The following MMP16 variants were observed in gnomAD, a reference collection of about 807,000 sequenced individuals.
MMP16 encodes matrix metalloproteinase-16.
Under a neutral mutation model 67.8 loss-of-function variants are expected in MMP16, and 12 were observed. The ratio of observed to expected loss-of-function variants is 0.18; its 90% CI spans 0.11 to 0.29. MMP16 has a LOEUF of 0.29. MMP16 is among the 10% of genes least tolerant of loss of function. MMP16 has a pLI of 1.00. For missense variants in MMP16, 475 were observed against 765.7 expected, an observed-to-expected ratio of 0.62 and a Z score of 4.48; for synonymous variants, 249 against 255.9, an observed-to-expected ratio of 0.97 and a Z score of 0.26.
chr8:88,043,817 A>G (rs762427906), intron 9 of MMP16, among the ~76,000 whole-genome samples: 2 of 152,228 alleles, frequency 1.3e-5, no homozygotes, highest in Admixed American at 6.5e-5. Flanking sequence ...GAAATTCAAT[A>G]TAATTACTCA....
intron 1 of MMP16, among the ~76,000 whole-genome samples, chr8:88,247,497 C>T (rs962225251): frequency 6.6e-6 from 1 of 152,076 alleles, no homozygotes; most frequent in Non-Finnish European, 1.5e-5. Context: ...TGTTCCTGTG[C>T]ATTCTCTATC....
Position 88,074,739 on chromosome 8 carries a change from T to C in MMP16, c.1088A>G (p.Gln363Arg). 6.2e-7 allele frequency: 1 copy of C among 1,612,320 alleles called. No individual in the cohort carries two copies. The part of the protein sequence containing the change: ...LRREMFVFKD[Q>R]WFWRVRNNRV... ...GTTGTTTCTCACTCGCCAAAACCAC[T>C]GGTCCTGCAAACCAAGCAAAGGCAT... Residue 363 changes from glutamine to arginine, a missense_variant, in exon 7 of 10, where the codon CAG becomes CGG. Gln to Arg is a conservative substitution (Grantham distance 43, BLOSUM62 1). Around this residue, in one of 5 missense-constraint regions of MMP16, gnomAD observed 195 missense variants for 300.9 expected, o/e 0.65. Transcript: ENST00000286614.
At chr8:88,289,689 A>AACACACAC (rs4043664) in intron 1 of MMP16, among the ~76,000 whole-genome samples, 60 of 144,260 alleles carry the variant, frequency 4.2e-4, no homozygotes, top group African/African-American at 1.4e-3. Flanking sequence ...TCCTAGAGGA[A>AACACACAC]ACACACACAC....
intron 6 of MMP16, among the ~76,000 whole-genome samples, chr8:88,106,595 C>A (rs969458306): frequency 1.3e-5 from 2 of 151,158 alleles, no homozygotes; most frequent in African/African-American, 4.8e-5. Flanking sequence ...AACAGAATGA[C>A]AGTGCTAGTT....
chr8:88,126,612 G>A (rs573666319), intron 4 of MMP16, among the ~76,000 whole-genome samples: 2 of 151,764 alleles, frequency 1.3e-5, no homozygotes, highest in Non-Finnish European at 2.9e-5. Flanking sequence ...TGAACAATGC[G>A]TTAACTAACA....
chr8:88,310,864 G>T (rs1811284397), intron 1 of MMP16, among the ~76,000 whole-genome samples: 1 of 152,034 alleles, frequency 6.6e-6, no homozygotes, highest in African/African-American at 2.4e-5. Context: ...CTAGACACAG[G>T]AAGACCAAAA....
intron 1 of MMP16, among the ~76,000 whole-genome samples, chr8:88,290,884 A>T (rs891104734): frequency 6.6e-6 from 1 of 152,326 alleles, no homozygotes; most frequent in African/African-American, 2.4e-5. Flanking sequence ...CTCATATTTT[A>T]TTTATGTAAA....
At chr8:88,133,192 G>T (rs1402441361) in intron 4 of MMP16, among the ~76,000 whole-genome samples, 1 of 151,150 alleles carries the variant, frequency 6.6e-6, no homozygotes, top group Non-Finnish European at 1.5e-5. Context: ...GAATCGTATT[G>T]AATTATCTTG....
rs556182851 is a variant in MMP16, at chr8:88,093,728, T to TCA, written c.1084-18987_1084-18986dup. Among the ~76,000 whole-genome samples the TCA allele has an allele frequency of 2.2e-4, 33 of 151,862 alleles. 1 individual carries two copies. The highest frequency in any genetic ancestry group is 8.0e-4 in the African/African-American group (33 of 41,492). ...GCAGCATTTTTAATAGCACAGGAGGTCATTTTAGGCTTTACTTAGGTAGGT... is the reference window on the plus strand; with the variant it reads ...GCAGCATTTTTAATAGCACAGGAGGTCACATTTTAGGCTTTACTTAGGTAGGT... On this transcript the variant is annotated intron_variant, in intron 6 of 9. Transcript: ENST00000286614.
intron 4 of MMP16, among the ~76,000 whole-genome samples, chr8:88,151,618 G>A (rs1482878158): frequency 2.1e-5 from 3 of 141,198 alleles, no homozygotes; most frequent in African/African-American, 5.3e-5. Context: ...TGACTACTGG[G>A]TACATAACGA....
chr8:88,078,144 G>A (rs1490093158), intron 6 of MMP16, among the ~76,000 whole-genome samples: 1 of 150,136 alleles, frequency 6.7e-6, no homozygotes, highest in Admixed American at 6.7e-5. Context: ...TCTTTCTTTG[G>A]TTTGGCCCTT....
intron 1 of MMP16, among the ~76,000 whole-genome samples, chr8:88,235,366 G>A (rs544246488): frequency 1.4e-5 from 2 of 146,730 alleles, no homozygotes; most frequent in South Asian, 4.4e-4. Flanking sequence ...CACTCTACCC[G>A]GGCAACAGAG....
In MMP16 at chr8:88,041,537, G is replaced by A; in HGVS notation, c.1748C>T (p.Thr583Ile). ...LALCLLVLVY[T>I]VFQFKRKGTP... ...TCCTTTCCTCTTGAACTGGAACACA[G>A]TGTAAACCAATACAAGGAGGCATAA... The change falls in exon 10 of 10, where the codon ACT becomes ATT. Residue 583 changes from threonine (T) to isoleucine (I), a missense_variant. This residue lies in a region of MMP16 where 80 missense variants were observed against 93.4 expected (regional missense o/e 0.86). Coordinates refer to ENST00000286614, the MANE Select transcript of MMP16 (RefSeq NM_005941.5). The surrounding 1 kb of genome is among the most constrained non-coding windows in gnomAD (Gnocchi z 6.0). The A allele has an allele frequency of 1.9e-6, 3 of 1,614,136 alleles. No homozygotes were observed. The highest frequency in any genetic ancestry group is 1.7e-6 in the Non-Finnish European group (2 of 1,180,004).
chr8:88,040,847 T>C lies in MMP16; in HGVS notation c.*614A>G, dbSNP rs1051740097. On this transcript the variant is annotated 3_prime_UTR_variant, in exon 10 of 10. Coordinates refer to ENST00000286614, the MANE Select transcript of MMP16 (RefSeq NM_005941.5). ...TGTCCCAACAGTCTAACGTCCTGCATGTGTATTCCAAATCTCCCACCTGAC... is the reference window on the plus strand; with the variant it reads ...TGTCCCAACAGTCTAACGTCCTGCACGTGTATTCCAAATCTCCCACCTGAC... 6.6e-6 allele frequency: 1 copy of C among 152,602 alleles called. No individual in the cohort carries two copies. Among genetic ancestry groups the C allele is most frequent in the Non-Finnish European group, 1.5e-5 (1 of 68,048 alleles). 9.5% of individuals were successfully genotyped at this position (152,602 alleles called of 1,614,324 possible). A position where few individuals can be genotyped will look rare whatever the true frequency, so the allele number is the denominator to read the frequency against.
intron 6 of MMP16, among the ~76,000 whole-genome samples, chr8:88,107,829 A>G (rs893802811): frequency 1.1e-4 from 16 of 151,136 alleles, no homozygotes; most frequent in Non-Finnish European, 2.1e-4. Context: ...TGTTGAGTAA[A>G]ACTAAAAACT....
intron 4 of MMP16, among the ~76,000 whole-genome samples, chr8:88,128,844 C>A (rs369910065): frequency 5.3e-5 from 8 of 151,734 alleles, no homozygotes; most frequent in African/African-American, 1.9e-4. Context: ...GGATGGTGGT[C>A]AGACTCATTT....
At chr8:88,142,456 A>G (rs1211042560) in intron 4 of MMP16, among the ~76,000 whole-genome samples, 1 of 152,098 alleles carries the variant, frequency 6.6e-6, no homozygotes, top group Non-Finnish European at 1.5e-5. Flanking sequence ...TAATTAATAT[A>G]TATCTACTGA....
chr8:88,182,657 TACAA>T (rs1808999993), intron 3 of MMP16, among the ~76,000 whole-genome samples: 1 of 152,156 alleles, frequency 6.6e-6, no homozygotes, highest in Non-Finnish European at 1.5e-5. Flanking sequence ...GACAGTTTCT[TACAA>T]AGCTAACCGT....
At chr8:88,046,605 GAA>G in intron 9 of MMP16, 62 bp downstream of exon 9, 3 of 1,019,350 alleles carry the variant, frequency 2.9e-6, no homozygotes, top group Non-Finnish European at 4.4e-6. Flanking sequence ...TTAGCAGAGT[GAA>G]AAAGCCTAAT....
Sources: gnomAD v4.1 joint callset for allele counts (sites outside exome capture counted in the v4.1 genomes callset) on GRCh38, gnomAD v4.1.1 for gene constraint, gnomAD v4.1.1 regional missense constraint, Gnocchi (gnomAD v3.1) non-coding constraint, MANE v1.5 for transcripts, NCBI Gene and HGNC (gene_info 2026-07-23, HGNC 2026-07-21) for gene names.